TMEM151A: variants seen among roughly 807,000 people sequenced by gnomAD.
The protein encoded by TMEM151A is transmembrane protein 151.
Under a neutral mutation model 33.7 loss-of-function variants are expected in TMEM151A, and 21 were observed. The observed-to-expected ratio is 0.62, with a 90% CI of 0.44 to 0.90. The LOEUF is 0.90. Ranked by LOEUF, TMEM151A falls within the 40% of genes least tolerant of loss-of-function variation. TMEM151A has a pLI of 0.00. For missense variants in TMEM151A, 704 were observed against 697.7 expected, an observed-to-expected ratio of 1.01 and a Z score of -0.10; for synonymous variants, 374 against 330.3, an observed-to-expected ratio of 1.13 and a Z score of -1.43.
rs769693225 is a variant in TMEM151A at position 66,295,582 on chromosome 11, G to T, written c.1336G>T (p.Ala446Ser). 1.3e-6 allele frequency: 2 copies of T among 1,530,906 alleles called. No homozygotes were observed. Among genetic ancestry groups the T allele is most frequent in the Non-Finnish European group, 8.8e-7 (1 of 1,141,436 alleles). The allele number at this position is 1,530,906 out of a possible 1,614,324, so 94.8% of individuals were successfully genotyped here. A position where few individuals can be genotyped will look rare whatever the true frequency, so the allele number is the denominator to read the frequency against. Reference protein sequence around the residue: ...PLESPPCYEDALYFPVLIVHG... With the variant: ...PLESPPCYEDSLYFPVLIVHG... The stretch of plus-strand genomic sequence containing the variant: ...GGAGAGCCCGCCCTGCTATGAGGAC[G>T]CCCTCTACTTCCCGGTGCTCATTGT... Residue 446 changes from alanine (A) to serine (S), a missense_variant, in exon 2 of 2, where the codon GCC (alanine) becomes TCC (serine). Physicochemically the swap from Ala to Ser is moderately conservative, Grantham distance 99 (BLOSUM62 1). Around this residue, in one of 3 missense-constraint regions of TMEM151A, gnomAD observed 398 missense variants for 356.0 expected, o/e 1.12. Transcript: ENST00000327259.
rs1229777829 is a variant in TMEM151A at position 66,295,515 on chromosome 11, C to CG, written c.1275dup (p.Pro426AlafsTer19). 4.3e-6 allele frequency: 6 copies of CG among 1,394,022 alleles called. No homozygotes were observed. The highest frequency in any genetic ancestry group is 1.5e-5 in the African/African-American group (1 of 65,792). The allele number at this position is 1,394,022 out of a possible 1,614,324, so 86.4% of individuals were successfully genotyped here. A position where few individuals can be genotyped will look rare whatever the true frequency, so the allele number is the denominator to read the frequency against. ...CGCCAGGGGTCTTCCGCAGCCTGAGCGGGGGGCCGCTGGGGCGCCGTGGAG... is the reference window on the plus strand; with the variant it reads ...CGCCAGGGGTCTTCCGCAGCCTGAGCGGGGGGGCCGCTGGGGCGCCGTGGAG... On this transcript the variant is annotated frameshift_variant, in exon 2 of 2. Coordinates refer to ENST00000327259, the MANE Select transcript of TMEM151A (RefSeq NM_153266.4). LOFTEE classifies it high-confidence loss of function.
Position 66,295,648 on chromosome 11 carries a change from C to T in TMEM151A, c.1402C>T (p.Leu468Phe), listed in dbSNP as rs754040777. ...CTGCCAGGGGGATGGGCAGGGTGCT[C>T]TCTGAGACCCCCCACGGCCCCCAGA... ...SGCQGDGQGA[L>F] Residue 468 changes from leucine (L) to phenylalanine (F), a missense_variant, in exon 2 of 2, where the codon CTC becomes TTC. By Grantham distance (22) the Leu-to-Phe change is conservative. Transcript: ENST00000327259. 2 of 1,509,334 alleles carry T rather than the reference C, an allele frequency of 1.3e-6. No individual in the cohort carries two copies. Among genetic ancestry groups the T allele is most frequent in the South Asian group, 1.3e-5 (1 of 79,188 alleles). 93.5% of individuals were successfully genotyped at this position (1,509,334 alleles called of 1,614,324 possible).
Position 66,291,919 on chromosome 11 carries a change from G to T in TMEM151A, c.-95G>T. On this transcript the variant is annotated 5_prime_UTR_variant, in exon 1 of 2. Transcript: ENST00000327259. ...GCACTCCCTCCGCGGCCGCTGAGCC[G>T]AGCGGACGCCCCCGGGGGCCGCGTC... 1 of 975,408 alleles carries T rather than the reference G, an allele frequency of 1.0e-6. No individual in the cohort carries two copies. Among genetic ancestry groups the T allele is most frequent in the Non-Finnish European group, 1.4e-6 (1 of 724,798 alleles). The allele number at this position is 975,408 out of a possible 1,614,324, so 60.4% of individuals were successfully genotyped here. A position where few individuals can be genotyped will look rare whatever the true frequency, so the allele number is the denominator to read the frequency against.
In TMEM151A at chr11:66,292,069, G is replaced by A; in HGVS notation, c.56G>A (p.Gly19Asp). The change falls in exon 1 of 2, where the codon GGC (glycine) becomes GAC (aspartate). Residue 19 changes from glycine (G) to aspartate (D), a missense_variant. Gly to Asp is a moderately conservative substitution (Grantham distance 94). Coordinates refer to ENST00000327259, the MANE Select transcript of TMEM151A (RefSeq NM_153266.4). This position sits in a 1 kb window ranked among gnomAD's most constrained non-coding sequence, Gnocchi z 4.7. ...GGEVPALIPD[G>D]EPLREEQRPL... ...GAGGTGCCCGCGCTCATCCCGGACG[G>A]CGAGCCGCTGCGGGAAGAGGTACCG... The A allele has an allele frequency of 6.7e-7, 1 of 1,483,852 alleles. No homozygotes were observed. Among genetic ancestry groups the A allele is most frequent in the Non-Finnish European group, 8.9e-7 (1 of 1,124,884 alleles). 91.9% of individuals were successfully genotyped at this position (1,483,852 alleles called of 1,614,324 possible).
rs1205173471 is a variant in TMEM151A at position 66,295,443 on chromosome 11, G to A, written c.1197G>A (p.Leu399=). 9 of 1,458,920 alleles carry A rather than the reference G, an allele frequency of 6.2e-6. No homozygotes were observed. The South Asian group carries it at 8.2e-5, about 13-fold the overall frequency. 90.4% of individuals were successfully genotyped at this position (1,458,920 alleles called of 1,614,324 possible). A position where few individuals can be genotyped will look rare whatever the true frequency, so the allele number is the denominator to read the frequency against. ...LPPARPSGPR[L]PFSRSRLSLG... ...CCGCCCGGCCCAGCGGGCCCCGCCT[G>A]CCCTTCAGCCGCAGCCGCCTCTCGC... is the stretch of plus-strand genomic sequence containing the variant. The change falls in exon 2 of 2, where the codon CTG becomes CTA. Residue 399 remains leucine (L), a synonymous_variant. Transcript: ENST00000327259.
chr11:66,294,967 C>A lies in TMEM151A; in HGVS notation c.721C>A (p.Arg241Ser), dbSNP rs1348581072. Reference sequence around the variant, plus strand: ...GGCCTCGTACCTCACGCAGCGGGCGCGCTTCTTCAGCGCCAACGAGGGCCT... The same window carrying A: ...GGCCTCGTACCTCACGCAGCGGGCGAGCTTCTTCAGCGCCAACGAGGGCCT... ...AEASYLTQRA[R>S]FFSANEGLDD... is the part of the protein sequence containing the mutation. The change falls in exon 2 of 2, where the codon CGC becomes AGC. Residue 241 changes from arginine (R) to serine (S), a missense_variant. Physicochemically the swap from Arg to Ser is moderately radical, Grantham distance 110 (BLOSUM62 -1). Around this residue, in one of 3 missense-constraint regions of TMEM151A, gnomAD observed 398 missense variants for 356.0 expected, o/e 1.12. Coordinates refer to ENST00000327259, the MANE Select transcript of TMEM151A (RefSeq NM_153266.4). The A allele has an allele frequency of 6.4e-7, 1 of 1,573,170 alleles. No homozygotes were observed. The highest frequency in any genetic ancestry group is 1.1e-5 in the South Asian group (1 of 87,606).
chr11:66,292,253 TG>T lies in TMEM151A; in HGVS notation c.75+170del, dbSNP rs1244327199. On this transcript the variant is annotated intron_variant, in intron 1 of 1. Transcript: ENST00000327259. The surrounding 1 kb of genome is among the most constrained non-coding windows in gnomAD (Gnocchi z 4.7). ...CTGCCAAGGGTCCAGGGGCCCGCGTTGGGGGTAGGGGTGGGGCGGCTGGACA... is the reference window on the plus strand; with the variant it reads ...CTGCCAAGGGTCCAGGGGCCCGCGTTGGGGTAGGGGTGGGGCGGCTGGACA... Among the ~76,000 whole-genome samples the T allele has an allele frequency of 6.6e-6, 1 of 151,740 alleles. No homozygotes were observed. The highest frequency in any genetic ancestry group is 2.4e-5 in the African/African-American group (1 of 41,294).
chr11:66,295,391 G>C lies in TMEM151A; in HGVS notation c.1145G>C (p.Arg382Pro), dbSNP rs757682578. 1.9e-6 allele frequency: 3 copies of C among 1,542,664 alleles called. No homozygotes were observed. The South Asian group carries it at 3.6e-5, about 19-fold the overall frequency. ...AYLRGCQRCR[R>P]SVSSNSLPPA... is the part of the protein sequence containing the mutation. ...CTCAGAGGCTGCCAGCGCTGCCGCC[G>C]CTCTGTCAGCAGCAACTCGCTGCCC... is the stretch of plus-strand genomic sequence containing the variant. The change falls in exon 2 of 2, where the codon CGC becomes CCC. Residue 382 changes from arginine to proline, a missense_variant. Coordinates refer to ENST00000327259, the MANE Select transcript of TMEM151A (RefSeq NM_153266.4).
rs1273777720 is a variant in TMEM151A at position 66,294,729 on chromosome 11, C to A, written c.483C>A (p.Arg161=). 6.4e-7 allele frequency: 1 copy of A among 1,558,922 alleles called. No homozygotes were observed. The highest frequency in any genetic ancestry group is 8.7e-7 in the Non-Finnish European group (1 of 1,152,668). The change falls in exon 2 of 2, where the codon CGC becomes CGA. Residue 161 remains arginine, a synonymous_variant. Transcript: ENST00000327259. ...CCACCAGCTATCACTACGTGCGGCGCACACGCCAGATCACGCGCTACCGCA... is the reference window on the plus strand; with the variant it reads ...CCACCAGCTATCACTACGTGCGGCGAACACGCCAGATCACGCGCTACCGCA... ...WKATSYHYVR[R]TRQITRYRNG...
intron 1 of TMEM151A, among the ~76,000 whole-genome samples, chr11:66,294,075 G>T (rs35000213): frequency 4.6e-5 from 7 of 152,354 alleles, no homozygotes; most frequent in Middle Eastern, 3.4e-3. Context: ...GCGGTTTGCC[G>T]AGTGCTAGCA....
chr11:66,293,587 G>A (rs1032291781), intron 1 of TMEM151A, among the ~76,000 whole-genome samples: 5 of 151,994 alleles, frequency 3.3e-5, no homozygotes, highest in African/African-American at 4.8e-5. Flanking sequence ...CACCTCCCCC[G>A]TTCTTGAGGC....
chr11:66,295,733 A>C lies in TMEM151A; in HGVS notation c.*80A>C. 49 of 1,218,738 alleles carry C rather than the reference A, an allele frequency of 4.0e-5. No individual in the cohort carries two copies. Among genetic ancestry groups the C allele is most frequent in the East Asian group, 1.0e-4 (3 of 28,626 alleles). The allele number at this position is 1,218,738 out of a possible 1,614,324, so 75.5% of individuals were successfully genotyped here. A position where few individuals can be genotyped will look rare whatever the true frequency, so the allele number is the denominator to read the frequency against. ...GATGCCCGAGTGATTGTTGTCCAAA[A>C]CAGGCGGGAAAACAGACCAGCCACA... On this transcript the variant is annotated 3_prime_UTR_variant, in exon 2 of 2. Coordinates refer to ENST00000327259, the MANE Select transcript of TMEM151A (RefSeq NM_153266.4).
chr11:66,295,422 C>G lies in TMEM151A; in HGVS notation c.1176C>G (p.Ala392=). The stretch of plus-strand genomic sequence containing the variant: ...TCAGCAGCAACTCGCTGCCCCCCGC[C>G]CGGCCCAGCGGGCCCCGCCTGCCCT... ...RSVSSNSLPP[A]RPSGPRLPFS... is the part of the protein sequence containing the mutation. Residue 392 remains alanine, a synonymous_variant, in exon 2 of 2, where the codon GCC becomes GCG. Coordinates refer to ENST00000327259, the MANE Select transcript of TMEM151A (RefSeq NM_153266.4). 1 of 1,497,778 alleles carries G rather than the reference C, an allele frequency of 6.7e-7. No individual in the cohort carries two copies. The highest frequency in any genetic ancestry group is 1.3e-5 in the South Asian group (1 of 78,020). 92.8% of individuals were successfully genotyped at this position (1,497,778 alleles called of 1,614,324 possible).
In TMEM151A at chr11:66,296,091, G is replaced by C. The variant is rs551200520; in HGVS notation, c.*438G>C. ...GGAGGCTTGGGGCCATGCCCAGCCA[G>C]GTTGGCTTCCCTGGGGCTGAAGAGC... On this transcript the variant is annotated 3_prime_UTR_variant, in exon 2 of 2. Coordinates refer to ENST00000327259, the MANE Select transcript of TMEM151A (RefSeq NM_153266.4). 6.3e-6 allele frequency: 1 copy of C among 158,450 alleles called. No individual in the cohort carries two copies. The highest frequency in any genetic ancestry group is 1.4e-5 in the Non-Finnish European group (1 of 72,106). The allele number at this position is 158,450 out of a possible 1,614,324, so 9.8% of individuals were successfully genotyped here. A position where few individuals can be genotyped will look rare whatever the true frequency, so the allele number is the denominator to read the frequency against.
rs1389937071 is a variant in TMEM151A at position 66,294,826 on chromosome 11, G to A, written c.580G>A (p.Asp194Asn). The A allele has an allele frequency of 6.5e-7, 1 of 1,540,738 alleles. No homozygotes were observed. Among genetic ancestry groups the A allele is most frequent in the South Asian group, 1.2e-5 (1 of 84,088 alleles). The change falls in exon 2 of 2, where the codon GAC (aspartate) becomes AAC (asparagine). Residue 194 changes from aspartate to asparagine, a missense_variant. Physicochemically the swap from Asp to Asn is conservative, Grantham distance 23. Around this residue, in one of 3 missense-constraint regions of TMEM151A, gnomAD observed 301 missense variants for 323.4 expected, o/e 0.93. Transcript: ENST00000327259. ...CAGCCGCACGGCCCGCGGCGAGTTT[G>A]ACTACTCGGCGCACGGCGTCCGCGA... ...ADSRTARGEF[D>N]YSAHGVRDVS... is the part of the protein sequence containing the mutation.
rs986046481 is a variant in TMEM151A at position 66,291,951 on chromosome 11, C to T, written c.-63C>T. On this transcript the variant is annotated 5_prime_UTR_variant, in exon 1 of 2. Coordinates refer to ENST00000327259, the MANE Select transcript of TMEM151A (RefSeq NM_153266.4). ...CGCCCCCGGGGGCCGCGTCGCAGCC[C>T]TCCGTGCTCCCCCCTATCATGCCCG... The T allele has an allele frequency of 1.8e-5, 25 of 1,374,418 alleles. No individual in the cohort carries two copies. In the African/African-American group the frequency reaches 3.2e-4, roughly 18 times the overall value. The allele number at this position is 1,374,418 out of a possible 1,614,324, so 85.1% of individuals were successfully genotyped here. A position where few individuals can be genotyped will look rare whatever the true frequency, so the allele number is the denominator to read the frequency against.
At position 66,292,061 on chromosome 11, in the gene TMEM151A, C is replaced by T; in HGVS notation, c.48C>T (p.Ile16=). Residue 16 remains isoleucine, a synonymous_variant, in exon 1 of 2, where the codon ATC becomes ATT. Coordinates refer to ENST00000327259, the MANE Select transcript of TMEM151A (RefSeq NM_153266.4). This position sits in a 1 kb window ranked among gnomAD's most constrained non-coding sequence, Gnocchi z 4.7. ...AGDGGEVPAL[I]PDGEPLREEQ... is the part of the protein sequence containing the mutation. ...ACGGCGGGGAGGTGCCCGCGCTCATCCCGGACGGCGAGCCGCTGCGGGAAG... is the reference window on the plus strand; with the variant it reads ...ACGGCGGGGAGGTGCCCGCGCTCATTCCGGACGGCGAGCCGCTGCGGGAAG... The T allele has an allele frequency of 6.7e-7, 1 of 1,489,750 alleles. No individual in the cohort carries two copies. The highest frequency in any genetic ancestry group is 8.9e-7 in the Non-Finnish European group (1 of 1,127,610). The allele number at this position is 1,489,750 out of a possible 1,614,324, so 92.3% of individuals were successfully genotyped here. A position where few individuals can be genotyped will look rare whatever the true frequency, so the allele number is the denominator to read the frequency against.
chr11:66,295,680 C>G lies in TMEM151A; in HGVS notation c.*27C>G. 1 of 1,445,348 alleles carries G rather than the reference C, an allele frequency of 6.9e-7. No homozygotes were observed. The highest frequency in any genetic ancestry group is 9.1e-7 in the Non-Finnish European group (1 of 1,100,446). The allele number at this position is 1,445,348 out of a possible 1,614,324, so 89.5% of individuals were successfully genotyped here. A position where few individuals can be genotyped will look rare whatever the true frequency, so the allele number is the denominator to read the frequency against. The stretch of plus-strand genomic sequence containing the variant: ...ACCCCCCACGGCCCCCAGAGTGGCC[C>G]CCTCCCCACCATTCCACCATGGGCT... On this transcript the variant is annotated 3_prime_UTR_variant, in exon 2 of 2. Coordinates refer to ENST00000327259, the MANE Select transcript of TMEM151A (RefSeq NM_153266.4).
At position 66,294,892 on chromosome 11, in the gene TMEM151A, A is replaced by G. The variant is rs1362358155; in HGVS notation, c.646A>G (p.Thr216Ala). The change falls in exon 2 of 2, where the codon ACG becomes GCG. Residue 216 changes from threonine (T) to alanine (A), a missense_variant. Physicochemically the swap from Thr to Ala is moderately conservative, Grantham distance 58. Transcript: ENST00000327259. Reference sequence around the variant, plus strand: ...GGTGGGGCTGGCGGAGCACGCGGCCACGCGGCTGCGCTTCACCAAGTGCTT... The same window carrying G: ...GGTGGGGCTGGCGGAGCACGCGGCCGCGCGGCTGCGCTTCACCAAGTGCTT... Reference protein sequence around the residue: ...ELVGLAEHAATRLRFTKCFSF... With the variant: ...ELVGLAEHAAARLRFTKCFSF... 6.5e-7 allele frequency: 1 copy of G among 1,536,530 alleles called. No individual in the cohort carries two copies.
Sources: gnomAD v4.1 joint callset for allele counts (sites outside exome capture counted in the v4.1 genomes callset) on GRCh38, gnomAD v4.1.1 for gene constraint, gnomAD v4.1.1 regional missense constraint, Gnocchi (gnomAD v3.1) non-coding constraint, MANE v1.5 for transcripts, NCBI Gene and HGNC (gene_info 2026-07-23, HGNC 2026-07-21) for gene names.